Variants in MAGI1 observed in about 807,000 individuals in gnomAD.
MAGI1 encodes membrane associated guanylate kinase, WW and PDZ domain containing 1, also known as membrane-associated guanylate kinase, WW and PDZ domain-containing protein 1.
A neutral mutation model predicts 139.9 loss-of-function variants in MAGI1; 58 were observed. The observed-to-expected ratio is 0.41, with a 90% CI of 0.34 to 0.52. The LOEUF is 0.52. Ranked by LOEUF, MAGI1 falls within the 20% of genes least tolerant of loss-of-function variation. The pLI, the probability that MAGI1 is intolerant of heterozygous loss-of-function variation, is 0.12. For missense variants in MAGI1, 1,874 were observed against 1,901.6 expected (o/e 0.99, Z 0.27); for synonymous variants, 812 against 737.9 (o/e 1.10, Z -1.63).
chr3:65,375,986 G>A (rs1942483934), intron 17 of MAGI1, 41 bp from the exon 18 acceptor site: 4 of 1,472,386 alleles, frequency 2.7e-6, no homozygotes, highest in Non-Finnish European at 2.8e-6. Context: ...AAGTTACGTG[G>A]GAATATAGCA....
intron 1 of MAGI1, among the ~76,000 whole-genome samples, chr3:65,846,480 T>G (rs1004529823): frequency 1.3e-5 from 2 of 152,320 alleles, no homozygotes; most frequent in Middle Eastern, 3.4e-3. Flanking sequence ...GGGGTCATGA[T>G]CTAGATCTTC....
intron 1 of MAGI1, among the ~76,000 whole-genome samples, chr3:65,641,288 G>A (rs946121164): frequency 2.0e-5 from 3 of 152,258 alleles, no homozygotes; most frequent in Non-Finnish European, 4.4e-5. Flanking sequence ...AGTGGCAACC[G>A]AATGTTGTTA....
rs183353713 is a variant in MAGI1, at chr3:65,577,245, G to A, written c.430+44727C>T. Among the ~76,000 whole-genome samples, 193 of 152,032 alleles carry A rather than the reference G, an allele frequency of 1.3e-3. 2 individuals carry two copies. Among genetic ancestry groups the A allele is most frequent in the Admixed American group, 0.012 (176 of 15,280 alleles). ...CCTGGAATGTAAATTTAAAGGATAC[G>A]CCAAAAAAACCCTCCACATATGAAA... On this transcript the variant is annotated intron_variant, in intron 2 of 22. Coordinates refer to ENST00000402939, the MANE Select transcript of MAGI1 (RefSeq NM_001033057.2).
chr3:65,654,006 C>T (rs957038350), intron 1 of MAGI1, among the ~76,000 whole-genome samples: 1 of 152,200 alleles, frequency 6.6e-6, no homozygotes, highest in South Asian at 2.1e-4. Context: ...CATATGTGAA[C>T]AGGAATATCT....
At chr3:65,990,978 C>A (rs963700362) in intron 1 of MAGI1, among the ~76,000 whole-genome samples, 1 of 151,026 alleles carries the variant, frequency 6.6e-6, no homozygotes, top group Non-Finnish European at 1.5e-5. Context: ...TGGAGTGAGA[C>A]CCTGTCTCTA....
At chr3:65,392,575 C>A (rs1944017292) in intron 13 of MAGI1, among the ~76,000 whole-genome samples, 1 of 152,132 alleles carries the variant, frequency 6.6e-6, no homozygotes, top group Admixed American at 6.5e-5. Flanking sequence ...AAATCTTCCA[C>A]CAGGTGTTCC....
intron 14 of MAGI1, among the ~76,000 whole-genome samples, chr3:65,390,729 A>C (rs1044020874): frequency 6.6e-6 from 1 of 152,174 alleles, no homozygotes; most frequent in Non-Finnish European, 1.5e-5. Context: ...TCAAGAGACC[A>C]CTTAAAAAGC....
In MAGI1 at chr3:66,038,380, C is replaced by A; in HGVS notation, c.-72G>T. 1.3e-6 allele frequency: 2 copies of A among 1,496,252 alleles called. No homozygotes were observed. Among genetic ancestry groups the A allele is most frequent in the Non-Finnish European group, 1.8e-6 (2 of 1,128,720 alleles). The allele number at this position is 1,496,252 out of a possible 1,614,324, so 92.7% of individuals were successfully genotyped here. On this transcript the variant is annotated 5_prime_UTR_variant, in exon 1 of 23. In the 5' UTR this introduces an upstream ATG that the reference lacks. Transcript: ENST00000402939. ...CCCCCCACAGCACGAGCCCCCAAGCCTCCGCTTGTTCATGGGAGAAACATC... is the reference window on the plus strand; with the variant it reads ...CCCCCCACAGCACGAGCCCCCAAGCATCCGCTTGTTCATGGGAGAAACATC...
intron 3 of MAGI1, among the ~76,000 whole-genome samples, chr3:65,483,841 A>G (rs1052704863): frequency 1.1e-4 from 16 of 152,358 alleles, no homozygotes; most frequent in African/African-American, 3.4e-4. Flanking sequence ...GGACAAAGCC[A>G]AAGAAAATAT....
At chr3:66,020,714 C>T (rs2067914726) in intron 1 of MAGI1, among the ~76,000 whole-genome samples, 2 of 152,152 alleles carry the variant, frequency 1.3e-5, no homozygotes, top group South Asian at 4.1e-4. Context: ...TAACCAAAAG[C>T]ATCAAGTGAT....
At chr3:65,864,587 T>A (rs2059658349) in intron 1 of MAGI1, among the ~76,000 whole-genome samples, 1 of 152,148 alleles carries the variant, frequency 6.6e-6, no homozygotes, top group Non-Finnish European at 1.5e-5. Flanking sequence ...CATAGCAGAA[T>A]CAGGAAAAAC....
At chr3:65,571,834 C>G (rs1409441274) in intron 2 of MAGI1, among the ~76,000 whole-genome samples, 3 of 151,974 alleles carry the variant, frequency 2.0e-5, no homozygotes, top group African/African-American at 7.2e-5. Flanking sequence ...AAATGGCATG[C>G]TGACCAAAAA....
chr3:65,859,437 A>G (rs2059475389), intron 1 of MAGI1, among the ~76,000 whole-genome samples: 1 of 149,258 alleles, frequency 6.7e-6, no homozygotes, highest in African/African-American at 2.5e-5. Context: ...TTAAAACTTT[A>G]AGGAAGCAGG....
intron 1 of MAGI1, among the ~76,000 whole-genome samples, chr3:65,801,851 G>C (rs2040534543): frequency 6.6e-6 from 1 of 152,072 alleles, no homozygotes; most frequent in Non-Finnish European, 1.5e-5. Flanking sequence ...ACCAGTCCAT[G>C]GCCTGCTAGG....
chr3:65,788,145 C>T (rs2039521456), intron 1 of MAGI1, among the ~76,000 whole-genome samples: 1 of 152,098 alleles, frequency 6.6e-6, no homozygotes, highest in Admixed American at 6.5e-5. Context: ...TCACATAAAA[C>T]AATGATGAAA....
chr3:65,600,785 T>C (rs900454387), intron 2 of MAGI1, among the ~76,000 whole-genome samples: 1 of 152,164 alleles, frequency 6.6e-6, no homozygotes. Context: ...CTGAACACAT[T>C]GAAAGTAATT....
At chr3:65,888,561 T>C (rs1487653921) in intron 1 of MAGI1, among the ~76,000 whole-genome samples, 1 of 152,172 alleles carries the variant, frequency 6.6e-6, no homozygotes, top group Non-Finnish European at 1.5e-5. Flanking sequence ...AAATTTTTAA[T>C]GACATTAGAA....
intron 4 of MAGI1, among the ~76,000 whole-genome samples, chr3:65,475,220 T>C (rs952794702): frequency 2.0e-5 from 3 of 152,142 alleles, no homozygotes; most frequent in African/African-American, 4.8e-5. Context: ...TTCTTTCTTC[T>C]TTCTTTTTTT....
chr3:65,620,862 T>C (rs367847125), intron 2 of MAGI1, among the ~76,000 whole-genome samples: 60 of 152,328 alleles, frequency 3.9e-4, no homozygotes, highest in African/African-American at 1.4e-3. Context: ...GGGGCTATTC[T>C]AGAATCTGAT....
Sources: gnomAD v4.1 joint callset for allele counts (sites outside exome capture counted in the v4.1 genomes callset) on GRCh38, gnomAD v4.1.1 for gene constraint, MANE v1.5 for transcripts, NCBI Gene and HGNC (gene_info 2026-07-23, HGNC 2026-07-21) for gene names.